Variants in RANBP9 observed in about 807,000 individuals in gnomAD.
RANBP9 encodes RAN binding protein 9.
In RANBP9, 15 loss-of-function variants were observed where a neutral mutation model predicts 84.3. The ratio of observed to expected loss-of-function variants is 0.18; its 90% CI spans 0.12 to 0.27. The LOEUF (loss-of-function observed/expected upper bound fraction) is 0.27. RANBP9 is among the 10% of genes least tolerant of loss of function. RANBP9 has a pLI of 1.00. For missense variants in RANBP9, 809 were observed against 912.8 expected, an observed-to-expected ratio of 0.89 and a Z score of 1.46; for synonymous variants, 392 against 349.6, an observed-to-expected ratio of 1.12 and a Z score of -1.35.
rs760792806 is a variant in RANBP9, at chr6:13,663,272, A to T, written c.684-4440T>A. On this transcript the variant is annotated intron_variant, in intron 2 of 13. Transcript: ENST00000011619. ...CAGAAGACAGTGGAATGAAATCTTT[A>T]AAAGTGCTAAAAAGAAAAAAAACCC... Among the ~76,000 whole-genome samples, 26 of 152,128 alleles carry T rather than the reference A, an allele frequency of 1.7e-4. 1 individual carries two copies. The highest frequency in any genetic ancestry group is 3.2e-4 in the Non-Finnish European group (22 of 68,010).
intron 12 of RANBP9, 53 bp downstream of exon 12, chr6:13,632,317 A>T: frequency 6.4e-7 from 1 of 1,560,552 alleles, no homozygotes; most frequent in Non-Finnish European, 8.7e-7. Flanking sequence ...TCACAAAACT[A>T]CATTTTAGTT....
In RANBP9 at chr6:13,669,766, C is replaced by T. The variant is rs1001235138; in HGVS notation, c.684-10934G>A. 2.6e-5 allele frequency among the ~76,000 whole-genome samples: 4 copies of T among 152,144 alleles called. No homozygotes were observed. The East Asian group carries it at 7.7e-4, about 29-fold the overall frequency. ...ACCATGCCTGGCTAACTTTTTTTCG[C>T]ATTTTTTGTACAGACAGGGTTTCTC... On this transcript the variant is annotated intron_variant, in intron 2 of 13. Transcript: ENST00000011619.
chr6:13,711,680 G>A lies in RANBP9; in HGVS notation c.-175C>T, dbSNP rs1248954251. The A allele has an allele frequency of 1.9e-5, 8 of 421,190 alleles. No individual in the cohort carries two copies. The highest frequency in any genetic ancestry group is 2.9e-5 in the Non-Finnish European group (8 of 271,962). The allele number at this position is 421,190 out of a possible 1,614,324, so 26.1% of individuals were successfully genotyped here. Reference sequence around the variant, plus strand: ...CGGCGGTTGAGGAGCTCGGAGACGCGGGAGTAGGCGGCGGGCCCGGGAGGC... The same window carrying A: ...CGGCGGTTGAGGAGCTCGGAGACGCAGGAGTAGGCGGCGGGCCCGGGAGGC... On this transcript the variant is annotated 5_prime_UTR_variant, in exon 1 of 14. Coordinates refer to ENST00000011619, the MANE Select transcript of RANBP9 (RefSeq NM_005493.3).
At chr6:13,651,785 T>C (rs1465548029) in intron 5 of RANBP9, among the ~76,000 whole-genome samples, 2 of 152,122 alleles carry the variant, frequency 1.3e-5, no homozygotes, top group Non-Finnish European at 2.9e-5. Context: ...AATGTCTTTG[T>C]ATTTCACTCA....
Position 13,637,934 on chromosome 6 carries a change from C to A in RANBP9, c.1547G>T (p.Gly516Val). The change falls in exon 10 of 14, where the codon GGT (glycine) becomes GTT (valine). Residue 516 changes from glycine to valine, a missense_variant. Gly to Val is a moderately radical substitution (Grantham distance 109). Transcript: ENST00000011619. ...TTGATGTGCTTTATTTGATATTACACCATTACTACAACTTTCAAAACCTGA... is the reference window on the plus strand; with the variant it reads ...TTGATGTGCTTTATTTGATATTACAACATTACTACAACTTTCAAAACCTGA... ...HFSGFESCSN[G>V]VISNKAHQSY... is the part of the protein sequence containing the mutation. The A allele has an allele frequency of 6.2e-7, 1 of 1,600,074 alleles. No homozygotes were observed. The highest frequency in any genetic ancestry group is 8.5e-7 in the Non-Finnish European group (1 of 1,175,286).
At position 13,629,477 on chromosome 6, in the gene RANBP9, C is replaced by T. The variant is rs144954616; in HGVS notation, c.1947+2893G>A. Among the ~76,000 whole-genome samples the T allele has an allele frequency of 3.5e-3, 540 of 152,266 alleles. 1 individual carries two copies. Among genetic ancestry groups the T allele is most frequent in the African/African-American group, 0.012 (502 of 41,560 alleles). On this transcript the variant is annotated intron_variant, in intron 12 of 13. Transcript: ENST00000011619. ...TATTTTAAAGCAAAAAACATTACCT[C>T]AGTGGAATAACTTCTGAGGGAAATG...
chr6:13,641,698 CAG>C (rs1381187005), intron 7 of RANBP9, among the ~76,000 whole-genome samples: 1 of 152,112 alleles, frequency 6.6e-6, no homozygotes, highest in Admixed American at 6.6e-5. Flanking sequence ...TCCAATTTAA[CAG>C]AGACTCGTTG....
At chr6:13,682,679 T>A (rs1170761682) in intron 2 of RANBP9, among the ~76,000 whole-genome samples, 1 of 152,180 alleles carries the variant, frequency 6.6e-6, no homozygotes, top group Non-Finnish European at 1.5e-5. Flanking sequence ...TCAAAACTCC[T>A]GACCTCAGGT....
rs1758279169 is a variant in RANBP9 at position 13,711,374 on chromosome 6, G to A, written c.132C>T (p.Gly44=). 1 of 1,166,412 alleles carries A rather than the reference G, an allele frequency of 8.6e-7. No individual in the cohort carries two copies. The allele number at this position is 1,166,412 out of a possible 1,614,324, so 72.3% of individuals were successfully genotyped here. ...VLPAPPAVSA[G]SSPAGSPGGG... The stretch of plus-strand genomic sequence containing the variant: ...CGCCGGGCGAGCCGGCCGGAGAAGA[G>A]CCGGCGCTGACGGCCGGGGGCGCCG... The change falls in exon 1 of 14, where the codon GGC becomes GGT. Residue 44 remains glycine, a synonymous_variant. Transcript: ENST00000011619.
At chr6:13,645,574 T>G (rs1001930352) in intron 5 of RANBP9, among the ~76,000 whole-genome samples, 21 of 152,308 alleles carry the variant, frequency 1.4e-4, no homozygotes, top group African/African-American at 4.8e-4. Context: ...GTGAGGCCAC[T>G]ATTATTATTT....
chr6:13,623,597 C>T (rs1285866067), intron 13 of RANBP9, among the ~76,000 whole-genome samples: 2 of 152,122 alleles, frequency 1.3e-5, no homozygotes, highest in East Asian at 1.9e-4. Context: ...CAAACATCTA[C>T]AGGGAATATT....
At chr6:13,707,313 C>T (rs1758153521) in intron 1 of RANBP9, among the ~76,000 whole-genome samples, 1 of 152,196 alleles carries the variant, frequency 6.6e-6, no homozygotes, top group African/African-American at 2.4e-5. Context: ...GCCACCACAC[C>T]CACTGAAATT....
Position 13,711,261 on chromosome 6 carries a change from G to A in RANBP9, c.245C>T (p.Pro82Leu), listed in dbSNP as rs1247907716. ...AGGCGGGGGCGGCGGCGGGGGCGGC[G>A]GGGCCGCGGTGGCCGGGGGCGGCGG... The part of the protein sequence containing the change: ...PPPPPPATAA[P>L]PPPPPPPPPP... Residue 82 changes from proline (P) to leucine (L), a missense_variant, in exon 1 of 14, where the codon CCG becomes CTG. This residue lies in a region of RANBP9 where 302 missense variants were observed against 240.1 expected (regional missense o/e 1.26). Coordinates refer to ENST00000011619, the MANE Select transcript of RANBP9 (RefSeq NM_005493.3). The A allele has an allele frequency of 1.4e-5, 14 of 983,734 alleles. No homozygotes were observed. Among genetic ancestry groups the A allele is most frequent in the East Asian group, 1.1e-4 (1 of 8,914 alleles). 60.9% of individuals were successfully genotyped at this position (983,734 alleles called of 1,614,324 possible).
At chr6:13,651,567 TG>T (rs1474282084) in intron 5 of RANBP9, among the ~76,000 whole-genome samples, 1 of 151,654 alleles carries the variant, frequency 6.6e-6, no homozygotes, top group African/African-American at 2.4e-5. Flanking sequence ...GCTAATTTTT[TG>T]TATTTTTTTT....
At chr6:13,648,551 A>T (rs895550712) in intron 5 of RANBP9, among the ~76,000 whole-genome samples, 1 of 152,204 alleles carries the variant, frequency 6.6e-6, no homozygotes, top group African/African-American at 2.4e-5. Flanking sequence ...GCCCATGTAG[A>T]ATAGTATATA....
chr6:13,682,730 T>C (rs1235498625), intron 2 of RANBP9, among the ~76,000 whole-genome samples: 1 of 152,182 alleles, frequency 6.6e-6, no homozygotes, highest in Non-Finnish European at 1.5e-5. Flanking sequence ...GATATTTTAA[T>C]TTGGCAATGT....
At chr6:13,623,243 C>T (rs2127756999) in intron 13 of RANBP9, among the ~76,000 whole-genome samples, 1 of 152,260 alleles carries the variant, frequency 6.6e-6, no homozygotes, top group South Asian at 2.1e-4. Flanking sequence ...CTGGTAATTT[C>T]TCTTTATGAG....
At chr6:13,626,861 G>A (rs944899880) in intron 12 of RANBP9, among the ~76,000 whole-genome samples, 4 of 152,140 alleles carry the variant, frequency 2.6e-5, no homozygotes, top group Admixed American at 6.5e-5. Context: ...GCAGAGGTGG[G>A]GGAAAGGCTT....
At chr6:13,667,325 A>C (rs774981839) in intron 2 of RANBP9, among the ~76,000 whole-genome samples, 1 of 151,946 alleles carries the variant, frequency 6.6e-6, no homozygotes, top group Non-Finnish European at 1.5e-5. Context: ...TTTTTGTTTT[A>C]TGGCCATTAT....
Sources: gnomAD v4.1 joint callset for allele counts (sites outside exome capture counted in the v4.1 genomes callset) on GRCh38, gnomAD v4.1.1 for gene constraint, gnomAD v4.1.1 regional missense constraint, MANE v1.5 for transcripts, NCBI Gene and HGNC (gene_info 2026-07-23, HGNC 2026-07-21) for gene names.